The following SACS variants were observed in gnomAD, a reference collection of about 807,000 sequenced individuals.
SACS encodes the protein sacsin.
SACS carries 197 observed loss-of-function variants against 348.0 expected under a neutral mutation model. That is an observed-to-expected ratio of 0.57 (90% confidence interval 0.50 to 0.64). The LOEUF (loss-of-function observed/expected upper bound fraction) is 0.64. Ranked by LOEUF, SACS falls within the 30% of genes least tolerant of loss-of-function variation. SACS has a pLI of 0.00. For synonymous variants in SACS, 1,985 were observed against 1,910.6 expected, an observed-to-expected ratio of 1.04 and a Z score of -1.02; for missense variants, 4,999 against 5,360.8, an observed-to-expected ratio of 0.93 and a Z score of 2.11.
chr13:23,367,546 A>G (rs1053505396), intron 5 of SACS, among the ~76,000 whole-genome samples: 6 of 152,132 alleles, frequency 3.9e-5, no homozygotes, highest in Admixed American at 3.3e-4. Flanking sequence ...AGTATCTCCC[A>G]TTATTGCTTT....
intron 3 of SACS, among the ~76,000 whole-genome samples, chr13:23,372,272 T>C (rs919268335): frequency 6.6e-6 from 1 of 152,206 alleles, no homozygotes; most frequent in African/African-American, 2.4e-5. Flanking sequence ...ATGAAAATGA[T>C]GTACAGAAAG....
Position 23,402,178 on chromosome 13 carries a change from G to GAAA in SACS, c.20+9039_20+9041dup, listed in dbSNP as rs34188080. ...GGGCAAAAGAGCGAGACTCCATCTC[G>GAAA]AAAAAAAAAAAAAAAAGACTTTCCA... On this transcript the variant is annotated intron_variant, in intron 2 of 9. Coordinates refer to ENST00000382292, the MANE Select transcript of SACS (RefSeq NM_014363.6). Among the ~76,000 whole-genome samples, 837 of 103,166 alleles carry GAAA rather than the reference G, an allele frequency of 8.1e-3. 4 individuals are homozygous for GAAA. Among genetic ancestry groups the GAAA allele is most frequent in the African/African-American group, 0.029 (788 of 26,762 alleles). The allele number at this position is 103,166 out of a possible 152,430, so 67.7% of individuals were successfully genotyped here.
rs764178894 is a variant in SACS, at chr13:23,335,509, A to G, written c.8367T>C (p.Thr2789=). ...QFHASVIDSV[T]KKRQLKDIPV... is the part of the protein sequence containing the mutation. Reference sequence around the variant, plus strand: ...GTATGTCTTTGAGCTGCCTCTTTTTAGTAACACTATCAATTACAGATGCAT... The same window carrying G: ...GTATGTCTTTGAGCTGCCTCTTTTTGGTAACACTATCAATTACAGATGCAT... Residue 2789 remains threonine (T), a synonymous_variant, in exon 10 of 10, where the codon ACT becomes ACC. Coordinates refer to ENST00000382292, the MANE Select transcript of SACS (RefSeq NM_014363.6). The surrounding 1 kb of genome is among the most constrained non-coding windows in gnomAD (Gnocchi z 4.7). 1.2e-6 allele frequency: 2 copies of G among 1,613,684 alleles called. No individual in the cohort carries two copies. The highest frequency in any genetic ancestry group is 1.1e-5 in the South Asian group (1 of 91,076).
At position 23,332,168 on chromosome 13, in the gene SACS, C is replaced by G. The variant is rs768413178; in HGVS notation, c.11708G>C (p.Arg3903Pro). The G allele has an allele frequency of 3.1e-6, 5 of 1,613,894 alleles. No homozygotes were observed. Among genetic ancestry groups the G allele is most frequent in the Non-Finnish European group, 4.2e-6 (5 of 1,179,960 alleles). Reference protein sequence around the residue: ...VKVRSDLENVRDLALYLPSQD... With the variant: ...VKVRSDLENVPDLALYLPSQD... ...GCTTGGGAGGTAAAGCGCAAGGTCT[C>G]GTACATTCTCGAGATCACTCCTCAC... The change falls in exon 10 of 10, where the codon CGA (arginine) becomes CCA (proline). Residue 3903 changes from arginine to proline, a missense_variant. Coordinates refer to ENST00000382292, the MANE Select transcript of SACS (RefSeq NM_014363.6).
chr13:23,341,584 C>G lies in SACS; in HGVS notation c.2292G>C (p.Trp764Cys). ...FWPGRELIVQ[W>C]YPFDENRNHP... ...GATTTCTGTTTTCATCAAATGGATA[C>G]CATTGAACAATCAATTCTCTGCCAG... Residue 764 changes from tryptophan to cysteine, a missense_variant, in exon 10 of 10, where the codon TGG (tryptophan) becomes TGC (cysteine). Trp to Cys is a radical substitution (Grantham distance 215). Transcript: ENST00000382292. 6.2e-7 allele frequency: 1 copy of G among 1,614,032 alleles called. No individual in the cohort carries two copies. Among genetic ancestry groups the G allele is most frequent in the South Asian group, 1.1e-5 (1 of 91,080 alleles).
At chr13:23,390,398 A>G (rs1872484326) in intron 2 of SACS, among the ~76,000 whole-genome samples, 1 of 152,192 alleles carries the variant, frequency 6.6e-6, no homozygotes, top group South Asian at 2.1e-4. Context: ...AATGGCTCAC[A>G]CTTGTAATCC....
At chr13:23,419,267 A>G (rs1032443522) in intron 1 of SACS, 4 of 152,546 alleles carry the variant, frequency 2.6e-5, no homozygotes, top group African/African-American at 9.6e-5. Flanking sequence ...AGAGCCAGCT[A>G]GTGGCACCCA....
At position 23,355,706 on chromosome 13, in the gene SACS, A is replaced by G; in HGVS notation, c.906T>C (p.Asp302=). 2 of 1,614,236 alleles carry G rather than the reference A, an allele frequency of 1.2e-6. No individual in the cohort carries two copies. Among genetic ancestry groups the G allele is most frequent in the Non-Finnish European group, 1.7e-6 (2 of 1,180,042 alleles). ...TCAGAAAGAGCAGCACTGTGTCTGCATCTGCCCTAAAAGACTCAAACAACT... is the reference window on the plus strand; with the variant it reads ...TCAGAAAGAGCAGCACTGTGTCTGCGTCTGCCCTAAAAGACTCAAACAACT... The part of the protein sequence containing the change: ...VLELFESFRA[D]ADTVLLFLKS... Residue 302 remains aspartate, a synonymous_variant, in exon 8 of 10, where the codon GAT becomes GAC. Transcript: ENST00000382292.
chr13:23,391,975 T>C (rs1872542633), intron 2 of SACS, among the ~76,000 whole-genome samples: 1 of 152,150 alleles, frequency 6.6e-6, no homozygotes, highest in African/African-American at 2.4e-5. Context: ...GCAGACCAGA[T>C]GCAGACTGCA....
chr13:23,354,583 C>G lies in SACS; in HGVS notation c.2029G>C (p.Val677Leu). ...ELLPLQNGNF[V>L]PFSSSVSDQD... is the part of the protein sequence containing the mutation. Reference sequence around the variant, plus strand: ...TCTGATACAGATGAGGAGAAGGGGACAAAATTGCCATTTTGTAAAGGGAGC... The same window carrying G: ...TCTGATACAGATGAGGAGAAGGGGAGAAAATTGCCATTTTGTAAAGGGAGC... Residue 677 changes from valine to leucine, a missense_variant, in exon 8 of 10, where the codon GTC becomes CTC. Val to Leu is a conservative substitution (Grantham distance 32). Around this residue, in one of 6 missense-constraint regions of SACS, gnomAD observed 3,156 missense variants for 3,380.1 expected, o/e 0.93. Transcript: ENST00000382292. 1 of 1,614,182 alleles carries G rather than the reference C, an allele frequency of 6.2e-7. No individual in the cohort carries two copies. Among genetic ancestry groups the G allele is most frequent in the South Asian group, 1.1e-5 (1 of 91,084 alleles).
chr13:23,411,829 G>C (rs1196787000), intron 1 of SACS, 89 bp from the exon 2 acceptor site: 1 of 154,066 alleles, frequency 6.5e-6, no homozygotes. Flanking sequence ...TCATTGAAGA[G>C]GGCCATGGTA....
rs143868541 is a variant in SACS, at chr13:23,396,639, A to G, written c.20+14581T>C. Reference sequence around the variant, plus strand: ...TGAATTGCTTGACATACATTACTTCATATATATCAAACAAGCAGTAAAACA... The same window carrying G: ...TGAATTGCTTGACATACATTACTTCGTATATATCAAACAAGCAGTAAAACA... On this transcript the variant is annotated intron_variant, in intron 2 of 9. Coordinates refer to ENST00000382292, the MANE Select transcript of SACS (RefSeq NM_014363.6). 1.1e-3 allele frequency among the ~76,000 whole-genome samples: 164 copies of G among 152,328 alleles called. 1 individual carries two copies. Among genetic ancestry groups the G allele is most frequent in the African/African-American group, 3.8e-3 (160 of 41,582 alleles).
rs753090825 is a variant in SACS, at chr13:23,331,777, T to A, written c.12099A>T (p.Lys4033Asn). The A allele has an allele frequency of 6.2e-7, 1 of 1,613,944 alleles. No individual in the cohort carries two copies. Reference protein sequence around the residue: ...NDNAFLANEEKAIRLCKALRE... With the variant: ...NDNAFLANEENAIRLCKALRE... ...TTAGGGCTTTGCAAAGTCTTATGGC[T>A]TTTTCTTCATTGGCCAGAAAAGCAT... The change falls in exon 10 of 10, where the codon AAA becomes AAT. Residue 4033 changes from lysine to asparagine, a missense_variant. Lys to Asn is a moderately conservative substitution (Grantham distance 94). Transcript: ENST00000382292.
At chr13:23,410,424 A>G (rs1179329604) in intron 2 of SACS, among the ~76,000 whole-genome samples, 2 of 152,164 alleles carry the variant, frequency 1.3e-5, no homozygotes. Flanking sequence ...ATGGGTAACA[A>G]TTTTCAAAAG....
chr13:23,411,379 T>C lies in SACS; in HGVS notation c.-140A>G. On this transcript the variant is annotated 5_prime_UTR_variant, in exon 2 of 10. Coordinates refer to ENST00000382292, the MANE Select transcript of SACS (RefSeq NM_014363.6). ...TGCCAGGTGGAAAAAAAGCCTGTTT[T>C]TCCCTTCAGTGTCCATTCATCATCT... The C allele has an allele frequency of 1.3e-6, 1 of 756,154 alleles. No homozygotes were observed. The highest frequency in any genetic ancestry group is 2.3e-6 in the Non-Finnish European group (1 of 426,320). The allele number at this position is 756,154 out of a possible 1,614,324, so 46.8% of individuals were successfully genotyped here.
At position 23,333,559 on chromosome 13, in the gene SACS, A is replaced by G. The variant is rs1366247370; in HGVS notation, c.10317T>C (p.Ala3439=). The G allele has an allele frequency of 6.2e-7, 1 of 1,613,650 alleles. No homozygotes were observed. Among genetic ancestry groups the G allele is most frequent in the African/African-American group, 1.3e-5 (1 of 75,026 alleles). ...CYVLTKSIPS[A]EVEKWTQSSS... Reference sequence around the variant, plus strand: ...ATGACTGTGTCCATTTCTCCACTTCAGCTGAAGGGATACTTTTTGTAAGTA... The same window carrying G: ...ATGACTGTGTCCATTTCTCCACTTCGGCTGAAGGGATACTTTTTGTAAGTA... Residue 3439 remains alanine, a synonymous_variant, in exon 10 of 10, where the codon GCT becomes GCC. Coordinates refer to ENST00000382292, the MANE Select transcript of SACS (RefSeq NM_014363.6).
At chr13:23,341,880 G>A (rs1407513632) in intron 9 of SACS, among the ~76,000 whole-genome samples, 190 bp from the exon 10 acceptor site, 11 of 142,428 alleles carry the variant, frequency 7.7e-5, no homozygotes, top group African/African-American at 1.3e-4. Flanking sequence ...TCCGCCTCCC[G>A]GGTTCACGCC....
At chr13:23,385,964 G>A (rs1044759426) in intron 2 of SACS, among the ~76,000 whole-genome samples, 3 of 152,186 alleles carry the variant, frequency 2.0e-5, no homozygotes, top group Non-Finnish European at 4.4e-5. Context: ...TTTCTGAACA[G>A]TTGGTCTCAA....
Position 23,335,049 on chromosome 13 carries a change from C to T in SACS, c.8827G>A (p.Val2943Met). 1 of 1,613,208 alleles carries T rather than the reference C, an allele frequency of 6.2e-7. No individual in the cohort carries two copies. The highest frequency in any genetic ancestry group is 8.5e-7 in the Non-Finnish European group (1 of 1,179,340). The change falls in exon 10 of 10, where the codon GTG (valine) becomes ATG (methionine). Residue 2943 changes from valine (V) to methionine (M), a missense_variant. By Grantham distance (21) the Val-to-Met change is conservative. This residue lies in a region of SACS where 734 missense variants were observed against 694.0 expected (regional missense o/e 1.06). Transcript: ENST00000382292. This position sits in a 1 kb window ranked among gnomAD's most constrained non-coding sequence, Gnocchi z 4.7. ...YFPGSDPTLS[V>M]LQNTPIHVVK... The stretch of plus-strand genomic sequence containing the variant: ...ACATGAATAGGGGTGTTCTGTAACA[C>T]TGATAATGTTGGATCAGAACCAGGG...
Sources: gnomAD v4.1 joint callset for allele counts (sites outside exome capture counted in the v4.1 genomes callset) on GRCh38, gnomAD v4.1.1 for gene constraint, gnomAD v4.1.1 regional missense constraint, Gnocchi (gnomAD v3.1) non-coding constraint, MANE v1.5 for transcripts, NCBI Gene and HGNC (gene_info 2026-07-23, HGNC 2026-07-21) for gene names.